Variants in ERBB4 observed in about 807,000 individuals in gnomAD.
ERBB4 encodes erb-b2 receptor tyrosine kinase 4, also known as receptor tyrosine-protein kinase erbB-4.
ERBB4 carries 42 observed loss-of-function variants against 158.0 expected under a neutral mutation model. That is an observed-to-expected ratio of 0.27 (90% CI 0.21 to 0.34). ERBB4 has a LOEUF of 0.34. ERBB4 is among the 10% of genes least tolerant of loss of function. The pLI, the probability that ERBB4 is intolerant of heterozygous loss-of-function variation, is 1.00. For synonymous variants in ERBB4, 583 were observed against 558.7 expected (o/e 1.04, Z -0.61); for missense variants, 1,333 against 1,624.1 (o/e 0.82, Z 3.08).
chr2:212,495,219 A>T (rs1032813340), intron 1 of ERBB4, among the ~76,000 whole-genome samples: 2 of 151,968 alleles, frequency 1.3e-5, no homozygotes, highest in African/African-American at 4.8e-5. Flanking sequence ...CCTCATTAAA[A>T]CCTTGTTGAA....
intron 1 of ERBB4, among the ~76,000 whole-genome samples, chr2:212,409,946 T>G (rs1426100710): frequency 6.6e-6 from 1 of 151,706 alleles, no homozygotes; most frequent in East Asian, 1.9e-4. Context: ...TGTATTCTAG[T>G]TATTAACATA....
chr2:211,500,000 C>A (rs533188385), intron 20 of ERBB4, among the ~76,000 whole-genome samples: 5 of 152,078 alleles, frequency 3.3e-5, no homozygotes, highest in Non-Finnish European at 7.3e-5. Context: ...TGAGTGATGA[C>A]AATCACTAGC....
At chr2:211,924,463 T>C (rs1403891680) in intron 3 of ERBB4, among the ~76,000 whole-genome samples, 1 of 151,906 alleles carries the variant, frequency 6.6e-6, no homozygotes, top group Admixed American at 6.6e-5. Flanking sequence ...ACCCTATACA[T>C]CTATAAAAAT....
intron 2 of ERBB4, among the ~76,000 whole-genome samples, chr2:212,081,255 G>C (rs2078434144): frequency 1.3e-5 from 2 of 152,144 alleles, no homozygotes; most frequent in Admixed American, 1.3e-4. Context: ...ACTGCAGTCA[G>C]CATGGAGATT....
At chr2:211,878,078 G>T (rs1035617472) in intron 3 of ERBB4, among the ~76,000 whole-genome samples, 1 of 152,206 alleles carries the variant, frequency 6.6e-6, no homozygotes, top group East Asian at 1.9e-4. Context: ...ACTGCCCTCC[G>T]GCCTGAGGAA....
intron 3 of ERBB4, among the ~76,000 whole-genome samples, chr2:211,856,241 G>A (rs2077856760): frequency 6.6e-6 from 1 of 152,066 alleles, no homozygotes; most frequent in Admixed American, 6.5e-5. Context: ...AGTCCTCATA[G>A]GTTACTTAAT....
chr2:211,481,364 C>A (rs1056174158), intron 20 of ERBB4, among the ~76,000 whole-genome samples: 1 of 152,082 alleles, frequency 6.6e-6, no homozygotes, highest in Non-Finnish European at 1.5e-5. Flanking sequence ...TTCATATATT[C>A]TTATGCTATT....
At chr2:211,543,596 A>T (rs963022780) in intron 20 of ERBB4, among the ~76,000 whole-genome samples, 14 of 151,960 alleles carry the variant, frequency 9.2e-5, no homozygotes, top group South Asian at 2.1e-4. Context: ...CATTTTTTTT[A>T]AAAAATCATA....
chr2:211,862,166 C>A (rs946586607), intron 3 of ERBB4, among the ~76,000 whole-genome samples: 2 of 152,092 alleles, frequency 1.3e-5, no homozygotes, highest in Non-Finnish European at 2.9e-5. Context: ...GTAGAATAAT[C>A]ATTAGATCTA....
At chr2:211,734,317 G>A (rs573670804) in intron 5 of ERBB4, among the ~76,000 whole-genome samples, 35 of 152,158 alleles carry the variant, frequency 2.3e-4, no homozygotes, top group African/African-American at 8.2e-4. Context: ...ATTCCAGGAA[G>A]TTTCTAGTTT....
In ERBB4 at chr2:212,413,274, C is replaced by A. The variant is rs1158809891; in HGVS notation, c.82+125175G>T. ...GTGCTGGGATTACAGGCACGAGCCACCCCGCCCAGCCTATGTAGAGTATTT... is the reference window on the plus strand; with the variant it reads ...GTGCTGGGATTACAGGCACGAGCCAACCCGCCCAGCCTATGTAGAGTATTT... On this transcript the variant is annotated intron_variant, in intron 1 of 27. Coordinates refer to ENST00000342788, the MANE Select transcript of ERBB4 (RefSeq NM_005235.3). Among the ~76,000 whole-genome samples, 7 of 151,868 alleles carry A rather than the reference C, an allele frequency of 4.6e-5. No homozygotes were observed. The East Asian group carries it at 1.4e-3, about 29-fold the overall frequency.
intron 3 of ERBB4, among the ~76,000 whole-genome samples, chr2:211,828,622 AC>A (rs2077154757): frequency 6.6e-6 from 1 of 152,114 alleles, no homozygotes; most frequent in Admixed American, 6.6e-5. Flanking sequence ...CTAAAACACA[AC>A]CTCACTCAGA....
At chr2:211,480,147 C>T (rs1180878264) in intron 20 of ERBB4, among the ~76,000 whole-genome samples, 1 of 152,126 alleles carries the variant, frequency 6.6e-6, no homozygotes, top group Non-Finnish European at 1.5e-5. Flanking sequence ...CTTGGAAGTA[C>T]ATTTGGTCTT....
chr2:212,453,553 G>A lies in ERBB4; in HGVS notation c.82+84896C>T, dbSNP rs1688115616. Reference sequence around the variant, plus strand: ...ATTGCATTGATATCTACCAAAATTTGATATTAGGTTAATTTCTTTTGTTTT... The same window carrying A: ...ATTGCATTGATATCTACCAAAATTTAATATTAGGTTAATTTCTTTTGTTTT... On this transcript the variant is annotated intron_variant, in intron 1 of 27. Transcript: ENST00000342788. 2.0e-5 allele frequency among the ~76,000 whole-genome samples: 3 copies of A among 152,222 alleles called. No homozygotes were observed. In the South Asian group the frequency reaches 6.2e-4, roughly 32 times the overall value.
intron 20 of ERBB4, among the ~76,000 whole-genome samples, chr2:211,486,709 A>G (rs1308082655): frequency 2.0e-5 from 3 of 152,080 alleles, no homozygotes; most frequent in Non-Finnish European, 2.9e-5. Context: ...CCAAGCCTCA[A>G]TCTTACTCCA....
chr2:211,953,700 TA>T (rs1221551851), intron 2 of ERBB4, among the ~76,000 whole-genome samples: 1 of 152,044 alleles, frequency 6.6e-6, no homozygotes, highest in Non-Finnish European at 1.5e-5. Context: ...GTTCAAGTAG[TA>T]AATACAATCG....
At chr2:212,272,436 A>AT (rs1478658649) in intron 1 of ERBB4, among the ~76,000 whole-genome samples, 1 of 151,738 alleles carries the variant, frequency 6.6e-6, no homozygotes, top group African/African-American at 2.4e-5. Flanking sequence ...TGGCCGTTGA[A>AT]TTGTGAAAAG....
In ERBB4 at chr2:211,737,702, G is replaced by T. The variant is rs575632708; in HGVS notation, c.623-12508C>A. Among the ~76,000 whole-genome samples, 8 of 152,098 alleles carry T rather than the reference G, an allele frequency of 5.3e-5. No homozygotes were observed. The South Asian group carries it at 1.2e-3, about 24-fold the overall frequency. On this transcript the variant is annotated intron_variant, in intron 5 of 27. Coordinates refer to ENST00000342788, the MANE Select transcript of ERBB4 (RefSeq NM_005235.3). ...TGTTACAAAGATTTTATGTATTATG[G>T]GAAATTATTAATTTGGAATAGTGCC...
intron 1 of ERBB4, among the ~76,000 whole-genome samples, chr2:212,476,777 T>C (rs374743401): frequency 4.6e-5 from 7 of 152,286 alleles, no homozygotes; most frequent in African/African-American, 1.7e-4. Context: ...AATATTTTCC[T>C]ATATCAAACT....
Sources: gnomAD v4.1 joint callset for allele counts (sites outside exome capture counted in the v4.1 genomes callset) on GRCh38, gnomAD v4.1.1 for gene constraint, MANE v1.5 for transcripts, NCBI Gene and HGNC (gene_info 2026-07-23, HGNC 2026-07-21) for gene names.